The following OSBPL9 variants were observed in gnomAD, a reference collection of about 807,000 sequenced individuals.
OSBPL9 encodes the protein oxysterol-binding protein-related protein 9.
In OSBPL9, 40 loss-of-function variants were observed where a neutral mutation model predicts 106.6. The ratio of observed to expected loss-of-function variants is 0.38; its 90% CI spans 0.29 to 0.49. The LOEUF is 0.49. OSBPL9 is among the 20% of genes least tolerant of loss of function. OSBPL9 has a pLI of 0.97. For synonymous variants in OSBPL9, 269 were observed against 295.4 expected, an observed-to-expected ratio of 0.91 and a Z score of 0.92; for missense variants, 609 against 887.2, an observed-to-expected ratio of 0.69 and a Z score of 3.98.
chr1:51,759,094 A>G (rs544083889), intron 9 of OSBPL9, among the ~76,000 whole-genome samples: 1 of 148,162 alleles, frequency 6.7e-6, no homozygotes, highest in Admixed American at 6.7e-5. Context: ...AACATTCCCC[A>G]CTTCAGTTTC....
At chr1:51,749,848 C>T (rs1437403710) in intron 7 of OSBPL9, among the ~76,000 whole-genome samples, 2 of 145,008 alleles carry the variant, frequency 1.4e-5, no homozygotes, top group African/African-American at 2.6e-5. Flanking sequence ...TGCAATCCAG[C>T]GTGATCAGCA....
At chr1:51,679,843 G>A (rs766514852) in intron 3 of OSBPL9, among the ~76,000 whole-genome samples, 1 of 152,062 alleles carries the variant, frequency 6.6e-6, no homozygotes, top group African/African-American at 2.4e-5. Context: ...TGTTATAATT[G>A]TTCTATTTTA....
chr1:51,755,591 G>A (rs76865834), intron 8 of OSBPL9, among the ~76,000 whole-genome samples: 1,949 of 152,226 alleles, frequency 0.013, 40 homozygotes, highest in African/African-American at 0.042. Flanking sequence ...CTGCCAGTTC[G>A]CCACGCGATC....
the OSBPL9 span, among the ~76,000 whole-genome samples, chr1:51,559,840 T>C: frequency 1.3e-5 from 2 of 150,218 alleles, no homozygotes; most frequent in Admixed American, 6.6e-5. Flanking sequence ...GTTCTCCTTA[T>C]GTATTAAAAA....
chr1:51,626,106 T>C (rs1417467990), intron 1 of OSBPL9, among the ~76,000 whole-genome samples: 1 of 152,214 alleles, frequency 6.6e-6, no homozygotes, highest in East Asian at 1.9e-4. Context: ...AAAAATGTGA[T>C]CTGTCGTTCT....
At chr1:51,760,548 G>A (rs1671268689) in intron 9 of OSBPL9, 142 bp from the exon 10 acceptor site, 1 of 1,236,240 alleles carries the variant, frequency 8.1e-7, no homozygotes. Context: ...TAGAAAAGGT[G>A]TTTCATTCCC....
chr1:51,749,563 G>T, intron 7 of OSBPL9: 1 of 402,394 alleles, frequency 2.5e-6, no homozygotes, highest in South Asian at 1.8e-5. Context: ...CTCCTTCCTT[G>T]GCCTACCAAA....
the OSBPL9 span, among the ~76,000 whole-genome samples, chr1:51,540,970 A>C: frequency 4.9e-5 from 7 of 144,294 alleles, no homozygotes; most frequent in East Asian, 2.0e-4. Context: ...AAAAAAAAAA[A>C]CAAAAAAAAA....
intron 21 of OSBPL9, 116 bp from the exon 22 acceptor site, chr1:51,786,410 C>T (rs1677641248): frequency 7.7e-6 from 5 of 646,700 alleles, no homozygotes; most frequent in South Asian, 1.9e-5. Context: ...ACAGGAGGAG[C>T]CAGTTAACTG....
At chr1:51,727,436 A>G (rs1663330931) in intron 4 of OSBPL9, among the ~76,000 whole-genome samples, 1 of 152,224 alleles carries the variant, frequency 6.6e-6, no homozygotes, top group East Asian at 1.9e-4. Context: ...ATAATGATAT[A>G]ATGCTGAACA....
At chr1:51,653,463 A>G (rs1451669040) in intron 2 of OSBPL9, among the ~76,000 whole-genome samples, 1 of 152,174 alleles carries the variant, frequency 6.6e-6, no homozygotes, top group Non-Finnish European at 1.5e-5. Flanking sequence ...TTGCTTTTAA[A>G]TGTAGCTTAA....
At chr1:51,748,604 A>G (rs1189671610) in intron 7 of OSBPL9, among the ~76,000 whole-genome samples, 2 of 152,222 alleles carry the variant, frequency 1.3e-5, no homozygotes, top group Non-Finnish European at 2.9e-5. Context: ...AATTGACTTC[A>G]TGTACCATTT....
intron 1 of OSBPL9, chr1:51,583,433 A>G (rs1023117857): frequency 6.6e-6 from 1 of 152,190 alleles, no homozygotes; most frequent in African/African-American, 2.4e-5. Context: ...GGAAACTTGG[A>G]TAAGTTAGTA....
the OSBPL9 span, among the ~76,000 whole-genome samples, chr1:51,538,452 TA>T: frequency 6.6e-6 from 1 of 150,406 alleles, no homozygotes; most frequent in African/African-American, 2.5e-5. Flanking sequence ...TGTTCAAAAG[TA>T]TTTAGATTCA....
At chr1:51,680,393 C>T (rs1652265240) in intron 3 of OSBPL9, among the ~76,000 whole-genome samples, 1 of 152,048 alleles carries the variant, frequency 6.6e-6, no homozygotes, top group Non-Finnish European at 1.5e-5. Flanking sequence ...ATAGCTCACG[C>T]CTGTAATCCC....
At chr1:51,777,686 G>C (rs759426428) in intron 15 of OSBPL9, among the ~76,000 whole-genome samples, 11 of 151,884 alleles carry the variant, frequency 7.2e-5, no homozygotes, top group Non-Finnish European at 1.5e-4. Context: ...CCCAAAGGCA[G>C]AAATTTAAAT....
Position 51,750,224 on chromosome 1 carries a change from T to G in OSBPL9, c.543+29T>G, listed in dbSNP as rs1176629362. 1.9e-6 allele frequency: 3 copies of G among 1,554,328 alleles called. No homozygotes were observed. In the East Asian group the frequency reaches 6.9e-5, roughly 36 times the overall value. Reference sequence around the variant, plus strand: ...AGTAAATTTTACTTTCAATTACCTTTGTGTATGGAGTTCAAAAATTATAAT... The same window carrying G: ...AGTAAATTTTACTTTCAATTACCTTGGTGTATGGAGTTCAAAAATTATAAT... On this transcript the variant is annotated intron_variant, in intron 8 of 23. Coordinates refer to ENST00000428468, the MANE Select transcript of OSBPL9 (RefSeq NM_024586.6).
At chr1:51,611,246 A>G (rs1407580556) in intron 2 of OSBPL9, among the ~76,000 whole-genome samples, 3 of 133,096 alleles carry the variant, frequency 2.3e-5, no homozygotes, top group South Asian at 4.7e-4. Flanking sequence ...GGAAAGGGTG[A>G]AAAAAAAAAA....
At chr1:51,752,991 G>A (rs890931607) in intron 8 of OSBPL9, among the ~76,000 whole-genome samples, 1 of 152,096 alleles carries the variant, frequency 6.6e-6, no homozygotes, top group African/African-American at 2.4e-5. Context: ...CATATAGGAG[G>A]TGCCTGATAA....
Sources: allele counts gnomAD v4.1 joint callset (sites outside exome capture counted in the v4.1 genomes callset), GRCh38; gene constraint gnomAD v4.1.1; transcripts MANE v1.5; gene names NCBI Gene and HGNC (gene_info 2026-07-23, HGNC 2026-07-21).